Variants in KIAA1755 observed in about 807,000 individuals in gnomAD.
KIAA1755 encodes the protein KIAA1755, also known as uncharacterized protein KIAA1755.
A neutral mutation model predicts 91.7 loss-of-function variants in KIAA1755; 68 were observed. That is an observed-to-expected ratio of 0.74 (90% CI 0.61 to 0.91). The LOEUF is 0.91. Ranked by LOEUF, KIAA1755 falls within the 40% of genes least tolerant of loss-of-function variation. The probability of loss-of-function intolerance (pLI) is 0.00; values close to 1 mark genes in which losing one functional copy is unlikely to be tolerated. For synonymous variants in KIAA1755, 610 were observed against 604.6 expected (o/e 1.01, Z -0.13); for missense variants, 1,535 against 1,494.4 (o/e 1.03, Z -0.45).
At chr20:38,214,171 G>A (rs1483486840) in intron 13 of KIAA1755, among the ~76,000 whole-genome samples, 3 of 151,990 alleles carry the variant, frequency 2.0e-5, no homozygotes, top group South Asian at 2.1e-4. Context: ...GGCTGGTCTC[G>A]AACTCCTGAC....
rs748674612 is a variant in KIAA1755, at chr20:38,218,969, G to A, written c.2557-603C>T. On this transcript the variant is annotated intron_variant, in intron 11 of 13. Transcript: ENST00000279024. ...GTGGAAGTTCCTTTCTTATTCTGGG[G>A]CATCTTAAAGAGCCTATTCACTCAC... is the stretch of plus-strand genomic sequence containing the variant. 1.2e-4 allele frequency among the ~76,000 whole-genome samples: 19 copies of A among 152,210 alleles called. No individual in the cohort carries two copies. The Middle Eastern group carries it at 0.01, about 82-fold the overall frequency.
chr20:38,252,097 C>T (rs1008442822), intron 1 of KIAA1755, among the ~76,000 whole-genome samples: 13 of 152,264 alleles, frequency 8.5e-5, no homozygotes, highest in Non-Finnish European at 1.9e-4. Flanking sequence ...CCTGATGTGC[C>T]TCAGTTTCCC....
At position 38,241,279 on chromosome 20, in the gene KIAA1755, C is replaced by T; in HGVS notation, c.852G>A (p.Glu284=). ...DYVALLGFSQ[E]SRGESPSREA... Reference sequence around the variant, plus strand: ...CCCTACTGGGAGACTCTCCTCTGCTCTCTTGGGAAAAGCCTAGGAGAGCCA... The same window carrying T: ...CCCTACTGGGAGACTCTCCTCTGCTTTCTTGGGAAAAGCCTAGGAGAGCCA... The change falls in exon 3 of 14, where the codon GAG becomes GAA. Residue 284 remains glutamate, a synonymous_variant. Coordinates refer to ENST00000279024, the MANE Select transcript of KIAA1755 (RefSeq NM_001029864.2). The T allele has an allele frequency of 6.2e-7, 1 of 1,614,190 alleles. No individual in the cohort carries two copies. Among genetic ancestry groups the T allele is most frequent in the Non-Finnish European group, 8.5e-7 (1 of 1,180,034 alleles).
chr20:38,236,426 C>T (rs371868802), intron 4 of KIAA1755, among the ~76,000 whole-genome samples: 6 of 152,060 alleles, frequency 3.9e-5, no homozygotes, highest in South Asian at 4.1e-4. Flanking sequence ...AGGATGAGAT[C>T]GCCTAGGAAG....
chr20:38,225,105 T>C (rs150325082), intron 8 of KIAA1755, among the ~76,000 whole-genome samples: 1 of 152,308 alleles, frequency 6.6e-6, no homozygotes, highest in Non-Finnish European at 1.5e-5. Context: ...GCAATTCTCA[T>C]GCCTCAGCCT....
intron 9 of KIAA1755, 85 bp downstream of exon 9, chr20:38,223,453 C>A: frequency 1.1e-6 from 1 of 887,664 alleles, no homozygotes; most frequent in Non-Finnish European, 1.6e-6. Flanking sequence ...CCCCCTTTTC[C>A]CCAGGCCGTC....
chr20:38,217,168 G>A, intron 13 of KIAA1755, 85 bp downstream of exon 13: 1 of 1,211,806 alleles, frequency 8.3e-7, no homozygotes, highest in East Asian at 2.5e-5. Flanking sequence ...TCAGGCCATG[G>A]GGCTGTGTCT....
chr20:38,260,339 C>T lies in KIAA1755; in HGVS notation c.3+159G>A, dbSNP rs145582338. On this transcript the variant is annotated intron_variant, in intron 1 of 13. Transcript: ENST00000279024. ...GAGATGGGCTCCTGCCCTTGAACCC[C>T]TGCTGGGGTGGAAGCAGGTAAGCAC... is the stretch of plus-strand genomic sequence containing the variant. The T allele has an allele frequency of 3.7e-3, 5,833 of 1,566,438 alleles. 10 individuals are homozygous for T. Among genetic ancestry groups the T allele is most frequent in the Admixed American group, 6.3e-3 (339 of 53,948 alleles).
At chr20:38,259,057 G>A (rs578104943) in intron 1 of KIAA1755, among the ~76,000 whole-genome samples, 2 of 152,282 alleles carry the variant, frequency 1.3e-5, no homozygotes, top group East Asian at 1.9e-4. Flanking sequence ...TCTGGGTGGG[G>A]TGACCTTGGG....
chr20:38,247,781 G>A (rs1205441), intron 1 of KIAA1755, among the ~76,000 whole-genome samples: 49,424 of 152,114 alleles, frequency 0.32, 8,169 homozygotes, highest in Middle Eastern at 0.48. Flanking sequence ...GCAGAAGAGG[G>A]AAGGGTAAGA....
intron 1 of KIAA1755, among the ~76,000 whole-genome samples, chr20:38,254,141 T>A (rs2076298653): frequency 6.6e-6 from 1 of 152,182 alleles, no homozygotes; most frequent in South Asian, 2.1e-4. Context: ...CACCTTGGCC[T>A]CCCAAAGTGC....
intron 1 of KIAA1755, among the ~76,000 whole-genome samples, chr20:38,247,868 C>T (rs755208032): frequency 2.0e-5 from 3 of 152,088 alleles, no homozygotes; most frequent in Non-Finnish European, 4.4e-5. Flanking sequence ...GTGGGAGGAT[C>T]GCCTGAGGCT....
intron 8 of KIAA1755, among the ~76,000 whole-genome samples, chr20:38,223,865 C>T (rs2075707359): frequency 6.6e-6 from 1 of 152,186 alleles, no homozygotes; most frequent in Non-Finnish European, 1.5e-5. Context: ...CTAACAAGTT[C>T]CCAGGTGTTG....
chr20:38,243,495 T>C (rs1306214607), intron 2 of KIAA1755, among the ~76,000 whole-genome samples: 1 of 152,072 alleles, frequency 6.6e-6, no homozygotes, highest in East Asian at 1.9e-4. Flanking sequence ...AGCACCAGAG[T>C]GATGATGGCT....
intron 12 of KIAA1755, 156 bp from the exon 13 acceptor site, chr20:38,217,630 C>A: frequency 1.7e-6 from 1 of 605,486 alleles, no homozygotes; most frequent in Non-Finnish European, 2.9e-6. Flanking sequence ...TAGCACCCAC[C>A]TCACAGGGCT....
intron 1 of KIAA1755, among the ~76,000 whole-genome samples, chr20:38,251,831 G>A (rs759357632): frequency 1.3e-5 from 2 of 152,172 alleles, no homozygotes; most frequent in Non-Finnish European, 2.9e-5. Flanking sequence ...CTCCTGAAGT[G>A]CTGAGATTAC....
intron 1 of KIAA1755, among the ~76,000 whole-genome samples, chr20:38,250,030 G>A (rs2076220915): frequency 6.6e-6 from 1 of 152,188 alleles, no homozygotes; most frequent in Non-Finnish European, 1.5e-5. Context: ...ATTGAGCTGG[G>A]CTAAGCTTGA....
At chr20:38,219,590 A>G (rs1005326859) in intron 11 of KIAA1755, 40 bp downstream of exon 11, 1 of 1,610,588 alleles carries the variant, frequency 6.2e-7, no homozygotes, top group Non-Finnish European at 8.5e-7. Flanking sequence ...GAATGTGGCC[A>G]GGCAGAACCC....
rs1005076260 is a variant in KIAA1755 at position 38,225,464 on chromosome 20, C to T, written c.2169+201G>A. ...AAGTAACTTATCCAAAATCACACAG[C>T]AGAGCTGGGATTGCAATGTAGGCAG... On this transcript the variant is annotated intron_variant, in intron 8 of 13. Coordinates refer to ENST00000279024, the MANE Select transcript of KIAA1755 (RefSeq NM_001029864.2). 3 of 577,500 alleles carry T rather than the reference C, an allele frequency of 5.2e-6. No individual in the cohort carries two copies. The African/African-American group carries it at 5.7e-5, about 11-fold the overall frequency. 35.8% of individuals were successfully genotyped at this position (577,500 alleles called of 1,614,324 possible). A position where few individuals can be genotyped will look rare whatever the true frequency, so the allele number is the denominator to read the frequency against.
Sources: gnomAD v4.1 joint callset for allele counts (sites outside exome capture counted in the v4.1 genomes callset) on GRCh38, gnomAD v4.1.1 for gene constraint, MANE v1.5 for transcripts, NCBI Gene and HGNC (gene_info 2026-07-23, HGNC 2026-07-21) for gene names.